GRID2: variants seen among roughly 807,000 people sequenced by gnomAD.
GRID2 encodes glutamate receptor ionotropic, delta-2.
A neutral mutation model predicts 114.8 loss-of-function variants in GRID2; 33 were observed. That is an observed-to-expected ratio of 0.29 (90% CI 0.22 to 0.38). GRID2 has a LOEUF of 0.38. Among genes scored for constraint, GRID2 ranks in the 10% least tolerant of loss-of-function variants. GRID2 has a pLI of 1.00. For synonymous variants in GRID2, 505 were observed against 449.9 expected (o/e 1.12, Z -1.55); for missense variants, 1,184 against 1,257.7 (o/e 0.94, Z 0.89).
At chr4:93,373,513 C>T (rs566058960) in intron 8 of GRID2, among the ~76,000 whole-genome samples, 18 of 152,046 alleles carry the variant, frequency 1.2e-4, no homozygotes, top group Non-Finnish European at 1.6e-4. Context: ...TGTTATCACC[C>T]ATAGACAAGA....
chr4:93,207,441 G>T lies in GRID2; in HGVS notation c.773G>T (p.Trp258Leu), dbSNP rs753717225. 5 of 1,595,904 alleles carry T rather than the reference G, an allele frequency of 3.1e-6. No individual in the cohort carries two copies. The highest frequency in any genetic ancestry group is 3.4e-6 in the Non-Finnish European group (4 of 1,164,222). The change falls in exon 5 of 16, where the codon TGG becomes TTG. Residue 258 changes from tryptophan (W) to leucine (L), a missense_variant. Trp to Leu is a moderately conservative substitution (Grantham distance 61, BLOSUM62 -2). Around this residue, in one of 3 missense-constraint regions of GRID2, gnomAD observed 455 missense variants for 429.5 expected, o/e 1.06. Coordinates refer to ENST00000282020, the MANE Select transcript of GRID2 (RefSeq NM_001510.4). ...ETNLVAFDCH[W>L]IIINEEINDV... ...AATTTGGTTGCTTTTGACTGTCACT[G>T]GATCATTATAAATGAGGTAAAGCCA...
chr4:92,942,021 G>A (rs2149537410), intron 2 of GRID2, among the ~76,000 whole-genome samples: 1 of 152,120 alleles, frequency 6.6e-6, no homozygotes, highest in East Asian at 1.9e-4. Context: ...GGTGTGGTGT[G>A]GTCCTGAGAA....
chr4:92,336,303 G>T (rs1348822523), intron 1 of GRID2, among the ~76,000 whole-genome samples: 1 of 152,056 alleles, frequency 6.6e-6, no homozygotes, highest in Non-Finnish European at 1.5e-5. Flanking sequence ...TCTAGCAGTT[G>T]GGAAAGCCAG....
intron 2 of GRID2, among the ~76,000 whole-genome samples, chr4:92,998,834 T>C (rs1755365769): frequency 6.6e-6 from 1 of 151,908 alleles, no homozygotes; most frequent in South Asian, 2.1e-4. Flanking sequence ...TAAAAAAATA[T>C]TATTTAACTA....
chr4:93,704,065 C>T (rs1296452031), intron 14 of GRID2, among the ~76,000 whole-genome samples: 1 of 152,056 alleles, frequency 6.6e-6, no homozygotes, highest in African/African-American at 2.4e-5. Context: ...CCTGAGGAAT[C>T]GCCACACTGA....
At chr4:92,507,238 C>T (rs1300751080) in intron 1 of GRID2, among the ~76,000 whole-genome samples, 7 of 151,886 alleles carry the variant, frequency 4.6e-5, no homozygotes, top group Non-Finnish European at 1.0e-4. Context: ...TGAAGAGTGT[C>T]ATATATTTCC....
rs969541901 is a variant in GRID2 at position 92,460,047 on chromosome 4, TATATATAC to T, written c.89-130082_89-130075del. 2.5e-5 allele frequency among the ~76,000 whole-genome samples: 3 copies of T among 118,462 alleles called. 1 individual carries two copies. The highest frequency in any genetic ancestry group is 1.8e-4 in the Admixed American group (2 of 11,032). The allele number at this position is 118,462 out of a possible 152,430, so 77.7% of individuals were successfully genotyped here. A position where few individuals can be genotyped will look rare whatever the true frequency, so the allele number is the denominator to read the frequency against. On this transcript the variant is annotated intron_variant, in intron 1 of 15. Transcript: ENST00000282020. Reference sequence around the variant, plus strand: ...ATAAATCTCACTATATATATATATATATATATACACACACAACTTTTTGGTTCTGTTTC... The same window carrying T: ...ATAAATCTCACTATATATATATATATACACACAACTTTTTGGTTCTGTTTC...
At chr4:93,255,937 T>G (rs144048487) in intron 8 of GRID2, among the ~76,000 whole-genome samples, 1 of 152,212 alleles carries the variant, frequency 6.6e-6, no homozygotes, top group African/African-American at 2.4e-5. Context: ...TATAGTTATG[T>G]TATAGTTTAT....
intron 2 of GRID2, among the ~76,000 whole-genome samples, chr4:92,862,637 T>C (rs1193982841): frequency 6.6e-6 from 1 of 152,100 alleles, no homozygotes; most frequent in Non-Finnish European, 1.5e-5. Context: ...GTCATCCTAT[T>C]CACTTTGTCA....
At chr4:92,856,278 A>C (rs375576214) in intron 2 of GRID2, among the ~76,000 whole-genome samples, 1 of 152,066 alleles carries the variant, frequency 6.6e-6, no homozygotes, top group African/African-American at 2.4e-5. Context: ...TTGTCCTCTG[A>C]ATTTCTATAC....
At chr4:92,487,950 G>A (rs374304508) in intron 1 of GRID2, among the ~76,000 whole-genome samples, 5 of 152,190 alleles carry the variant, frequency 3.3e-5, no homozygotes, top group African/African-American at 1.2e-4. Context: ...CCCTATAGCT[G>A]TTAGATATTC....
rs189528715 is a variant in GRID2 at position 93,149,322 on chromosome 4, C to T, written c.735+38369C>T. Among the ~76,000 whole-genome samples the T allele has an allele frequency of 2.6e-4, 40 of 152,050 alleles. No individual in the cohort carries two copies. In the East Asian group the frequency reaches 7.0e-3, roughly 27 times the overall value. On this transcript the variant is annotated intron_variant, in intron 4 of 15. Transcript: ENST00000282020. The stretch of plus-strand genomic sequence containing the variant: ...GGCAGGGTGGCTGACGCCTATAATC[C>T]CAGCACTTTGGGAGGCGGAGGCAGG...
chr4:92,698,334 A>C (rs1360571270), intron 2 of GRID2, among the ~76,000 whole-genome samples: 1 of 152,130 alleles, frequency 6.6e-6, no homozygotes, highest in African/African-American at 2.4e-5. Context: ...TCTGAATGGA[A>C]AACTTATTTG....
At chr4:92,959,068 T>C (rs563802925) in intron 2 of GRID2, among the ~76,000 whole-genome samples, 1 of 151,112 alleles carries the variant, frequency 6.6e-6, no homozygotes, top group African/African-American at 2.4e-5. Context: ...TTTTTTTTTT[T>C]TTTTTTTCCT....
At chr4:92,433,601 T>C (rs887183058) in intron 1 of GRID2, among the ~76,000 whole-genome samples, 3 of 151,908 alleles carry the variant, frequency 2.0e-5, no homozygotes, top group Admixed American at 2.0e-4. Flanking sequence ...TGCTGGGGAG[T>C]TGGGGAGGGG....
At chr4:93,208,060 T>C (rs989930137) in intron 5 of GRID2, among the ~76,000 whole-genome samples, 1 of 151,870 alleles carries the variant, frequency 6.6e-6, no homozygotes, top group African/African-American at 2.4e-5. Flanking sequence ...CAGTCAGAAA[T>C]GGAAGGAACA....
At chr4:93,314,342 G>T (rs899576849) in intron 8 of GRID2, among the ~76,000 whole-genome samples, 18 of 123,810 alleles carry the variant, frequency 1.5e-4, no homozygotes, top group African/African-American at 1.8e-4. Flanking sequence ...AGAAGAAGAA[G>T]AATGAAAAAA....
intron 2 of GRID2, among the ~76,000 whole-genome samples, chr4:92,790,770 A>C (rs1420951905): frequency 6.6e-6 from 1 of 150,530 alleles, no homozygotes; most frequent in African/African-American, 2.4e-5. Flanking sequence ...TTCTCCTCCT[A>C]AATCCTATGT....
rs36120160 is a variant in GRID2 at position 92,875,149 on chromosome 4, G to GTTT, written c.245-209821_245-209819dup. Among the ~76,000 whole-genome samples the GTTT allele has an allele frequency of 3.1e-3, 264 of 84,996 alleles. 14 individuals carry two copies. Among genetic ancestry groups the GTTT allele is most frequent in the African/African-American group, 0.011 (246 of 22,416 alleles). The allele number at this position is 84,996 out of a possible 152,430, so 55.8% of individuals were successfully genotyped here. A position where few individuals can be genotyped will look rare whatever the true frequency, so the allele number is the denominator to read the frequency against. On this transcript the variant is annotated intron_variant, in intron 2 of 15. Coordinates refer to ENST00000282020, the MANE Select transcript of GRID2 (RefSeq NM_001510.4). ...ATGAAACTAAATATTAACTCAAAAG[G>GTTT]TTTTTTTTTTTTTTTTTTTTTTTTT...
Sources: allele counts gnomAD v4.1 joint callset (sites outside exome capture counted in the v4.1 genomes callset), GRCh38; gene constraint gnomAD v4.1.1; regional missense constraint gnomAD v4.1.1; transcripts MANE v1.5; gene names NCBI Gene and HGNC (gene_info 2026-07-23, HGNC 2026-07-21).